The following ARHGEF38 variants were observed in gnomAD, a reference collection of about 807,000 sequenced individuals.
ARHGEF38 encodes Rho guanine nucleotide exchange factor 38, also known as Rho guanine nucleotide exchange factor (GEF) 38.
A neutral mutation model predicts 79.9 loss-of-function variants in ARHGEF38; 79 were observed. The observed-to-expected ratio is 0.99, with a 90% CI of 0.82 to 1.19. ARHGEF38 has a LOEUF of 1.19. Among genes scored for constraint, ARHGEF38 ranks in the 50% most tolerant of loss-of-function variants. The pLI is 0.00. For synonymous variants in ARHGEF38, 366 were observed against 328.3 expected, an observed-to-expected ratio of 1.11 and a Z score of -1.24; for missense variants, 962 against 907.2, an observed-to-expected ratio of 1.06 and a Z score of -0.78.
At chr4:105,633,022 T>C (rs892281993) in intron 4 of ARHGEF38, 1 of 152,732 alleles carries the variant, frequency 6.5e-6, no homozygotes, top group Non-Finnish European at 1.5e-5. Flanking sequence ...TGAAAATTAT[T>C]TTCAGACCCA....
At chr4:105,594,616 A>C (rs932088149) in intron 2 of ARHGEF38, among the ~76,000 whole-genome samples, 16 of 152,238 alleles carry the variant, frequency 1.1e-4, no homozygotes, top group Non-Finnish European at 2.1e-4. Flanking sequence ...AGGAAGTTGA[A>C]AACTGAGGAA....
rs563008456 is a variant in ARHGEF38 at position 105,613,990 on chromosome 4, A to G, written c.508+483A>G. On this transcript the variant is annotated intron_variant, in intron 3 of 13. Transcript: ENST00000420470. ...ATTTACACAAGTTCTACTTTTTTTCATGCTCTCTTTTTTTCTGTATTATTT... is the reference window on the plus strand; with the variant it reads ...ATTTACACAAGTTCTACTTTTTTTCGTGCTCTCTTTTTTTCTGTATTATTT... Among the ~76,000 whole-genome samples, 3 of 152,126 alleles carry G rather than the reference A, an allele frequency of 2.0e-5. No individual in the cohort carries two copies. In the East Asian group the frequency reaches 5.8e-4, roughly 29 times the overall value.
Position 105,666,297 on chromosome 4 carries a change from A to G in ARHGEF38, c.1666A>G (p.Lys556Glu). 2 of 1,532,420 alleles carry G rather than the reference A, an allele frequency of 1.3e-6. 1 individual carries two copies. The highest frequency in any genetic ancestry group is 2.4e-5 in the South Asian group (2 of 82,738). 94.9% of individuals were successfully genotyped at this position (1,532,420 alleles called of 1,614,324 possible). A position where few individuals can be genotyped will look rare whatever the true frequency, so the allele number is the denominator to read the frequency against. The change falls in exon 11 of 14, where the codon AAG becomes GAG. Residue 556 changes from lysine to glutamate, a missense_variant. Transcript: ENST00000420470. ...TATTGAGAGGAAACTCAGTTTTGAAAAGAAGAAACCTGTGCAGATTCTGGT... is the reference window on the plus strand; with the variant it reads ...TATTGAGAGGAAACTCAGTTTTGAAGAGAAGAAACCTGTGCAGATTCTGGT... Reference protein sequence around the residue: ...TFIERKLSFEKKKPVQILPEM... With the variant: ...TFIERKLSFEEKKPVQILPEM...
At chr4:105,573,028 A>T (rs1014133100) in intron 1 of ARHGEF38, among the ~76,000 whole-genome samples, 3 of 147,926 alleles carry the variant, frequency 2.0e-5, no homozygotes, top group Admixed American at 6.9e-5. Context: ...GGACCTTTGT[A>T]TATTTTCTTT....
chr4:105,648,435 A>G (rs1729946167), intron 6 of ARHGEF38, 114 bp from the exon 7 acceptor site: 2 of 1,029,096 alleles, frequency 1.9e-6, no homozygotes, highest in Admixed American at 3.2e-5. Flanking sequence ...AGAGGCTCAA[A>G]AATCATATAC....
chr4:105,647,151 T>C (rs992903816), intron 6 of ARHGEF38, among the ~76,000 whole-genome samples: 2 of 152,172 alleles, frequency 1.3e-5, no homozygotes, highest in African/African-American at 4.8e-5. Flanking sequence ...TTCTGTTTGC[T>C]TAAACTATTT....
chr4:105,656,466 G>A (rs573392345), intron 9 of ARHGEF38, among the ~76,000 whole-genome samples: 4 of 152,168 alleles, frequency 2.6e-5, no homozygotes, highest in African/African-American at 4.8e-5. Context: ...TTTGTTCCAC[G>A]GTAAAACATT....
At chr4:105,587,977 A>G (rs1223038619) in intron 1 of ARHGEF38, among the ~76,000 whole-genome samples, 1 of 152,190 alleles carries the variant, frequency 6.6e-6, no homozygotes, top group African/African-American at 2.4e-5. Context: ...AGATGTTTGA[A>G]TATTGAGTCT....
At chr4:105,647,674 T>G (rs1560745616) in intron 6 of ARHGEF38, among the ~76,000 whole-genome samples, 1 of 152,108 alleles carries the variant, frequency 6.6e-6, no homozygotes, top group Non-Finnish European at 1.5e-5. Context: ...CAGCAGTCTG[T>G]AAGATTGTCC....
At chr4:105,558,453 A>G (rs990052114) in intron 1 of ARHGEF38, among the ~76,000 whole-genome samples, 6 of 152,150 alleles carry the variant, frequency 3.9e-5, no homozygotes, top group Admixed American at 3.9e-4. Flanking sequence ...TACACTCTAC[A>G]GTGAAATGGG....
At chr4:105,623,820 C>A (rs1223148711) in intron 3 of ARHGEF38, among the ~76,000 whole-genome samples, 2 of 152,154 alleles carry the variant, frequency 1.3e-5, no homozygotes, top group East Asian at 3.9e-4. Flanking sequence ...TAGGCCAGAG[C>A]TTTTTCCTCT....
intron 10 of ARHGEF38, among the ~76,000 whole-genome samples, chr4:105,662,632 T>C (rs1020363764): frequency 3.9e-5 from 6 of 152,184 alleles, no homozygotes; most frequent in Admixed American, 3.3e-4. Context: ...TTCCAGTTGC[T>C]CCAACACTAT....
chr4:105,635,298 A>C (rs1161472069), intron 4 of ARHGEF38, among the ~76,000 whole-genome samples: 3 of 152,150 alleles, frequency 2.0e-5, no homozygotes, highest in Non-Finnish European at 2.9e-5. Flanking sequence ...AAAAGATGTT[A>C]TAATATAGTG....
rs570455692 is a variant in ARHGEF38 at position 105,590,515 on chromosome 4, C to T, written c.384+1080C>T. On this transcript the variant is annotated intron_variant, in intron 2 of 13. Transcript: ENST00000420470. ...TTTTACATAAATGTGATCAAAACTACAAATAATATCTTGTAACATACTTGT... is the reference window on the plus strand; with the variant it reads ...TTTTACATAAATGTGATCAAAACTATAAATAATATCTTGTAACATACTTGT... Among the ~76,000 whole-genome samples, 39 of 152,264 alleles carry T rather than the reference C, an allele frequency of 2.6e-4. No homozygotes were observed. The Middle Eastern group carries it at 0.017, about 66-fold the overall frequency.
At chr4:105,663,071 T>C (rs1293757488) in intron 10 of ARHGEF38, among the ~76,000 whole-genome samples, 2 of 152,144 alleles carry the variant, frequency 1.3e-5, no homozygotes, top group African/African-American at 4.8e-5. Flanking sequence ...TCATATGCAG[T>C]GGTAAGAAGT....
At chr4:105,663,985 C>CAAACA (rs540160550) in intron 10 of ARHGEF38, among the ~76,000 whole-genome samples, 1 of 145,062 alleles carries the variant, frequency 6.9e-6, no homozygotes, top group Non-Finnish European at 1.5e-5. Flanking sequence ...AAAAAAAAAA[C>CAAACA]AAACAAAACA....
At chr4:105,574,551 A>C (rs1346165987) in intron 1 of ARHGEF38, among the ~76,000 whole-genome samples, 3 of 96,064 alleles carry the variant, frequency 3.1e-5, no homozygotes, top group Non-Finnish European at 6.7e-5. Flanking sequence ...CTCCATCTCA[A>C]AAAAAAAAAA....
At chr4:105,666,082 T>A in intron 10 of ARHGEF38, 95 bp from the exon 11 acceptor site, 1 of 1,119,324 alleles carries the variant, frequency 8.9e-7, no homozygotes, top group East Asian at 2.9e-5. Flanking sequence ...AGCTACCATA[T>A]ACCTCCTCAA....
intron 13 of ARHGEF38, among the ~76,000 whole-genome samples, chr4:105,672,943 A>C (rs1298892775): frequency 1.3e-5 from 2 of 152,112 alleles, no homozygotes; most frequent in East Asian, 3.9e-4. Flanking sequence ...TTGCTTCTTC[A>C]AAGTCAGTAG....
Sources: allele counts gnomAD v4.1 joint callset (sites outside exome capture counted in the v4.1 genomes callset), GRCh38; gene constraint gnomAD v4.1.1; transcripts MANE v1.5; gene names NCBI Gene and HGNC (gene_info 2026-07-23, HGNC 2026-07-21).